Variants in PPP1R14C observed in about 807,000 individuals in gnomAD.
The protein encoded by PPP1R14C is protein phosphatase 1 regulatory inhibitor subunit 14C.
Under a neutral mutation model 20.4 loss-of-function variants are expected in PPP1R14C, and 16 were observed. That is an observed-to-expected ratio of 0.78 (90% CI 0.53 to 1.19). The LOEUF is 1.19. Among genes scored for constraint, PPP1R14C ranks in the 50% most tolerant of loss-of-function variants. The pLI, the probability that PPP1R14C is intolerant of heterozygous loss-of-function variation, is 0.00. For synonymous variants in PPP1R14C, 91 were observed against 91.0 expected (o/e 1.00, Z 0.00); for missense variants, 211 against 220.1 (o/e 0.96, Z 0.26).
chr6:150,222,062 G>C (rs1041484016), intron 3 of PPP1R14C, among the ~76,000 whole-genome samples: 1 of 148,420 alleles, frequency 6.7e-6, no homozygotes, highest in Non-Finnish European at 1.5e-5. Context: ...GCCTCCCAAA[G>C]TGCTGGGATT....
chr6:150,194,673 G>A (rs143277017), intron 1 of PPP1R14C: 1 of 985,380 alleles, frequency 1.0e-6, no homozygotes, highest in African/African-American at 1.7e-5. Flanking sequence ...AGCACAAACA[G>A]TTCTGTCCTT....
In PPP1R14C at chr6:150,242,103, A is replaced by G. The variant is rs542302006; in HGVS notation, c.424-6643A>G. Among the ~76,000 whole-genome samples, 10 of 151,630 alleles carry G rather than the reference A, an allele frequency of 6.6e-5. No individual in the cohort carries two copies. In the South Asian group the frequency reaches 2.1e-3, roughly 31 times the overall value. The stretch of plus-strand genomic sequence containing the variant: ...TATAACCTTTCAAAACCTCCCCTCA[A>G]ACACACAACAAAACAAAACAAAACA... On this transcript the variant is annotated intron_variant, in intron 3 of 3. Transcript: ENST00000361131.
chr6:150,191,093 C>G (rs1055234729), intron 1 of PPP1R14C, among the ~76,000 whole-genome samples: 3 of 152,284 alleles, frequency 2.0e-5, no homozygotes, highest in African/African-American at 7.2e-5. Context: ...GTTTTCTCCT[C>G]TGGGCTCTGC....
intron 3 of PPP1R14C, among the ~76,000 whole-genome samples, chr6:150,233,429 A>G (rs1236264844): frequency 1.3e-5 from 2 of 152,210 alleles, no homozygotes; most frequent in Non-Finnish European, 2.9e-5. Context: ...AACATTTCCA[A>G]ACTTCTAAAT....
chr6:150,193,022 C>T (rs114474029), intron 1 of PPP1R14C, among the ~76,000 whole-genome samples: 3,704 of 152,268 alleles, frequency 0.024, 153 homozygotes, highest in African/African-American at 0.085. Context: ...GATCAGTTCT[C>T]TTTTCCCAGT....
intron 1 of PPP1R14C, among the ~76,000 whole-genome samples, chr6:150,178,116 G>A (rs1777583324): frequency 6.6e-6 from 1 of 152,204 alleles, no homozygotes; most frequent in South Asian, 2.1e-4. Context: ...GCCTCCGCGA[G>A]GCCTTTTGTG....
intron 1 of PPP1R14C, among the ~76,000 whole-genome samples, chr6:150,169,987 G>C (rs1164573916): frequency 6.6e-6 from 1 of 152,196 alleles, no homozygotes; most frequent in Non-Finnish European, 1.5e-5. Context: ...TTTCCTTGCT[G>C]TATGGGGACT....
intron 1 of PPP1R14C, among the ~76,000 whole-genome samples, chr6:150,153,302 C>G (rs558856547): frequency 3.9e-5 from 6 of 152,370 alleles, no homozygotes; most frequent in Non-Finnish European, 5.9e-5. Context: ...TCACTGTCAA[C>G]TTGAAGTTAT....
At chr6:150,171,105 A>G (rs535579222) in intron 1 of PPP1R14C, among the ~76,000 whole-genome samples, 31 of 152,194 alleles carry the variant, frequency 2.0e-4, no homozygotes, top group African/African-American at 7.5e-4. Context: ...ACACACCATT[A>G]TCACCCAAAG....
At chr6:150,167,276 G>C (rs959859639) in intron 1 of PPP1R14C, among the ~76,000 whole-genome samples, 1 of 152,064 alleles carries the variant, frequency 6.6e-6, no homozygotes. Flanking sequence ...GCTGAGGCAG[G>C]AGAATTGCTT....
chr6:150,174,404 G>C (rs147366683), intron 1 of PPP1R14C, among the ~76,000 whole-genome samples: 21,412 of 149,706 alleles, frequency 0.14, 1,941 homozygotes, highest in South Asian at 0.33. Flanking sequence ...TTTTAGTAGA[G>C]ATGGGGTTTC....
At chr6:150,218,148 G>A (rs1778118017) in intron 3 of PPP1R14C, among the ~76,000 whole-genome samples, 1 of 152,044 alleles carries the variant, frequency 6.6e-6, no homozygotes, top group Admixed American at 6.6e-5. Flanking sequence ...TCATGCCTGT[G>A]ATCACAGCAC....
chr6:150,193,523 A>G (rs148301734), intron 1 of PPP1R14C, among the ~76,000 whole-genome samples: 1 of 152,230 alleles, frequency 6.6e-6, no homozygotes, highest in East Asian at 1.9e-4. Flanking sequence ...TACGACGGGA[A>G]AGAGATCGGA....
At chr6:150,207,937 A>G (rs1777974274) in intron 1 of PPP1R14C, among the ~76,000 whole-genome samples, 4 of 152,134 alleles carry the variant, frequency 2.6e-5, no homozygotes, top group Admixed American at 2.6e-4. Flanking sequence ...TTCTGGTGAC[A>G]GCGTTCATCC....
In PPP1R14C at chr6:150,189,761, C is replaced by A. The variant is rs937064925; in HGVS notation, c.307-24983C>A. On this transcript the variant is annotated intron_variant, in intron 1 of 3. Coordinates refer to ENST00000361131, the MANE Select transcript of PPP1R14C (RefSeq NM_030949.3). ...TTCGAAACCTTTCTTCAGACTGATA[C>A]AGAATGCTTTATTATCAAGCACACC... 3.3e-5 allele frequency among the ~76,000 whole-genome samples: 5 copies of A among 152,290 alleles called. No homozygotes were observed. The East Asian group carries it at 9.6e-4, about 29-fold the overall frequency.
chr6:150,248,855 G>A lies in PPP1R14C; in HGVS notation c.*35G>A. On this transcript the variant is annotated 3_prime_UTR_variant, in exon 4 of 4. Coordinates refer to ENST00000361131, the MANE Select transcript of PPP1R14C (RefSeq NM_030949.3). ...AGGGTGAAACTCTCCCAGAGACGAA[G>A]AAAGAGTCCTGGGATTTGTACTTCA... 1 of 1,408,342 alleles carries A rather than the reference G, an allele frequency of 7.1e-7. No homozygotes were observed. Among genetic ancestry groups the A allele is most frequent in the Non-Finnish European group, 1.0e-6 (1 of 997,474 alleles). The allele number at this position is 1,408,342 out of a possible 1,614,324, so 87.2% of individuals were successfully genotyped here.
chr6:150,213,415 T>G (rs1251225446), intron 1 of PPP1R14C, among the ~76,000 whole-genome samples: 3 of 151,266 alleles, frequency 2.0e-5, no homozygotes, highest in East Asian at 3.9e-4. Context: ...TAAATGCACT[T>G]TAGTAGGAAG....
Position 150,143,416 on chromosome 6 carries a change from A to G in PPP1R14C, c.224A>G (p.Lys75Arg). The change falls in exon 1 of 4, where the codon AAA becomes AGA. Residue 75 changes from lysine (K) to arginine (R), a missense_variant. Coordinates refer to ENST00000361131, the MANE Select transcript of PPP1R14C (RefSeq NM_030949.3). The surrounding 1 kb of genome is among the most constrained non-coding windows in gnomAD (Gnocchi z 5.6). ...RRHQQGKVTVKYDRKELRKRL... is the reference protein window; with the variant it reads ...RRHQQGKVTVRYDRKELRKRL... ...CACCAGCAGGGAAAAGTGACAGTGA[A>G]ATACGATCGTAAGGAGCTTCGGAAG... 2 of 1,612,300 alleles carry G rather than the reference A, an allele frequency of 1.2e-6. No individual in the cohort carries two copies. Among genetic ancestry groups the G allele is most frequent in the Non-Finnish European group, 1.7e-6 (2 of 1,179,326 alleles).
intron 1 of PPP1R14C, among the ~76,000 whole-genome samples, chr6:150,170,969 A>C (rs1777492063): frequency 6.6e-6 from 1 of 152,088 alleles, no homozygotes; most frequent in African/African-American, 2.4e-5. Flanking sequence ...TCACAGTAAA[A>C]TTGAGAGGAA....
Sources: gnomAD v4.1 joint callset for allele counts (sites outside exome capture counted in the v4.1 genomes callset) on GRCh38, gnomAD v4.1.1 for gene constraint, Gnocchi (gnomAD v3.1) non-coding constraint, MANE v1.5 for transcripts, NCBI Gene and HGNC (gene_info 2026-07-23, HGNC 2026-07-21) for gene names.